DYM: variants seen among roughly 807,000 people sequenced by gnomAD.
The protein encoded by DYM is dymeclin.
DYM carries 78 observed loss-of-function variants against 93.1 expected under a neutral mutation model. The observed-to-expected ratio is 0.84, with a 90% CI of 0.70 to 1.01. DYM has a LOEUF of 1.01. DYM is among the 50% of genes least tolerant of loss of function. DYM has a pLI of 0.00. For synonymous variants in DYM, 321 were observed against 319.7 expected (o/e 1.00, Z -0.04); for missense variants, 789 against 845.0 (o/e 0.93, Z 0.82).
intron 14 of DYM, among the ~76,000 whole-genome samples, chr18:49,207,802 T>G (rs1406607317): frequency 3.8e-5 from 5 of 132,662 alleles, no homozygotes; most frequent in African/African-American, 1.0e-4. Flanking sequence ...AAGCCCAAAA[T>G]AGCTCTGTCT....
intron 1 of DYM, among the ~76,000 whole-genome samples, chr18:49,434,444 T>C (rs62102900): frequency 0.41 from 62,024 of 151,578 alleles, 13,103 homozygotes; most frequent in East Asian, 0.58. Flanking sequence ...CACTTGAACC[T>C]GGGAGGCGGA....
intron 10 of DYM, among the ~76,000 whole-genome samples, chr18:49,278,129 A>C (rs947206421): frequency 1.3e-5 from 2 of 152,266 alleles, no homozygotes; most frequent in African/African-American, 4.8e-5. Flanking sequence ...AACCACATTC[A>C]GAAAATAAAG....
intron 14 of DYM, among the ~76,000 whole-genome samples, chr18:49,182,446 G>C (rs887854260): frequency 1.3e-5 from 2 of 152,068 alleles, no homozygotes; most frequent in Non-Finnish European, 2.9e-5. Flanking sequence ...ATTAGTTTTT[G>C]CTTCAAATGT....
At chr18:49,350,461 A>AGTGG (rs1664119255) in intron 6 of DYM, among the ~76,000 whole-genome samples, 1 of 152,168 alleles carries the variant, frequency 6.6e-6, no homozygotes, top group Non-Finnish European at 1.5e-5. Flanking sequence ...TAATCCCAGC[A>AGTGG]CTTTGGGAGG....
intron 14 of DYM, among the ~76,000 whole-genome samples, chr18:49,207,724 C>A (rs1237988849): frequency 1.3e-5 from 2 of 152,172 alleles, no homozygotes; most frequent in African/African-American, 4.8e-5. Context: ...AATATCAAGG[C>A]TTACCTGAAT....
chr18:49,189,541 A>G (rs1218181156), intron 14 of DYM, among the ~76,000 whole-genome samples: 2 of 152,238 alleles, frequency 1.3e-5, no homozygotes, highest in African/African-American at 2.4e-5. Context: ...AAATGACCAA[A>G]TAACAAGCAT....
intron 5 of DYM, among the ~76,000 whole-genome samples, chr18:49,368,062 G>A (rs2066674715): frequency 6.6e-6 from 1 of 152,072 alleles, no homozygotes; most frequent in African/African-American, 2.4e-5. Flanking sequence ...AAGGCAAAAG[G>A]ACTCTTCTAA....
intron 8 of DYM, among the ~76,000 whole-genome samples, chr18:49,301,446 G>C (rs899275282): frequency 6.6e-6 from 1 of 151,686 alleles, no homozygotes; most frequent in African/African-American, 2.4e-5. Context: ...GCATGAACCC[G>C]GGAGGCGGAG....
intron 14 of DYM, among the ~76,000 whole-genome samples, chr18:49,179,103 C>A (rs1568550898): frequency 6.6e-6 from 1 of 152,100 alleles, no homozygotes; most frequent in East Asian, 1.9e-4. Flanking sequence ...GACAACTAGA[C>A]CACAGTCACA....
At chr18:49,051,334 C>T (rs113197548) in intron 17 of DYM, among the ~76,000 whole-genome samples, 126 of 152,322 alleles carry the variant, frequency 8.3e-4, no homozygotes, top group African/African-American at 3.0e-3. Context: ...TCTGTCTTGG[C>T]TCAGCAGGTG....
chr18:49,344,313 G>A (rs918510899), intron 6 of DYM, among the ~76,000 whole-genome samples: 49 of 152,014 alleles, frequency 3.2e-4, no homozygotes, highest in Non-Finnish European at 2.1e-4. Context: ...AAGTCTCTGT[G>A]ATGGCTTCAA....
intron 11 of DYM, among the ~76,000 whole-genome samples, chr18:49,260,585 C>G (rs146250871): frequency 6.6e-6 from 1 of 152,122 alleles, no homozygotes; most frequent in Non-Finnish European, 1.5e-5. Context: ...GAAAAACAAT[C>G]AAAACATTCT....
At chr18:49,312,607 C>T (rs1039080755) in intron 8 of DYM, among the ~76,000 whole-genome samples, 6 of 152,156 alleles carry the variant, frequency 3.9e-5, no homozygotes, top group Non-Finnish European at 8.8e-5. Context: ...CAATAAAATT[C>T]TTCTCTGCCC....
chr18:49,403,180 C>G (rs1351646963), intron 2 of DYM, among the ~76,000 whole-genome samples: 1 of 152,096 alleles, frequency 6.6e-6, no homozygotes. Context: ...CCTTATCTTC[C>G]CCTGCACTGA....
chr18:49,318,623 C>CG (rs1013990169), intron 8 of DYM, among the ~76,000 whole-genome samples: 1 of 150,226 alleles, frequency 6.7e-6, no homozygotes, highest in African/African-American at 2.4e-5. Flanking sequence ...TCTGTCCCCC[C>CG]ACAAAAAAGA....
chr18:49,384,563 T>C (rs1599818356), intron 3 of DYM, among the ~76,000 whole-genome samples: 1 of 149,474 alleles, frequency 6.7e-6, no homozygotes, highest in Admixed American at 6.7e-5. Flanking sequence ...GAAGTGAAGG[T>C]TGCAGTGAGC....
intron 8 of DYM, among the ~76,000 whole-genome samples, chr18:49,321,558 C>G (rs953658862): frequency 1.3e-5 from 2 of 152,140 alleles, no homozygotes; most frequent in African/African-American, 4.8e-5. Flanking sequence ...AGTCTAAAAT[C>G]TGAAACCATA....
intron 14 of DYM, among the ~76,000 whole-genome samples, chr18:49,175,774 A>G (rs534092868): frequency 1.8e-4 from 28 of 152,310 alleles, no homozygotes; most frequent in African/African-American, 6.7e-4. Context: ...CTACTGCTCC[A>G]TATTTCAACA....
chr18:49,079,498 C>T (rs1366805925), intron 17 of DYM, among the ~76,000 whole-genome samples: 1 of 151,680 alleles, frequency 6.6e-6, no homozygotes, highest in Non-Finnish European at 1.5e-5. Context: ...GGAAGGTGGG[C>T]AGATAAACAA....
Sources: gnomAD v4.1 joint callset for allele counts (sites outside exome capture counted in the v4.1 genomes callset) on GRCh38, gnomAD v4.1.1 for gene constraint, MANE v1.5 for transcripts, NCBI Gene and HGNC (gene_info 2026-07-23, HGNC 2026-07-21) for gene names.